Variants in CATSPERE observed in about 807,000 individuals in gnomAD.
CATSPERE encodes the protein cation channel sperm-associated auxiliary subunit epsilon.
A neutral mutation model predicts 114.1 loss-of-function variants in CATSPERE; 93 were observed. The observed-to-expected ratio is 0.81, with a 90% CI of 0.69 to 0.97. CATSPERE has a LOEUF of 0.97. CATSPERE is among the 50% of genes least tolerant of loss of function. The pLI, the probability that CATSPERE is intolerant of heterozygous loss-of-function variation, is 0.00. For synonymous variants in CATSPERE, 341 were observed against 384.1 expected, an observed-to-expected ratio of 0.89 and a Z score of 1.31; for missense variants, 1,058 against 1,131.6, an observed-to-expected ratio of 0.93 and a Z score of 0.93.
At chr1:244,567,341 G>A (rs1406834878) in intron 10 of CATSPERE, among the ~76,000 whole-genome samples, 7 of 152,062 alleles carry the variant, frequency 4.6e-5, no homozygotes, top group East Asian at 1.9e-4. Context: ...TGCTCTTCGC[G>A]AGGAGTATCT....
chr1:244,473,273 G>A (rs1050607337), intron 2 of CATSPERE, among the ~76,000 whole-genome samples: 10 of 152,122 alleles, frequency 6.6e-5, no homozygotes, highest in Admixed American at 2.6e-4. Context: ...AGCATTTGGC[G>A]TTGTTAGTGT....
intron 5 of CATSPERE, among the ~76,000 whole-genome samples, chr1:244,490,146 C>A (rs578097593): frequency 1.1e-4 from 16 of 152,038 alleles, no homozygotes; most frequent in South Asian, 2.1e-4. Context: ...ATATTCATTT[C>A]GTAACTTCAA....
intron 2 of CATSPERE, among the ~76,000 whole-genome samples, chr1:244,476,506 A>G (rs943811568): frequency 6.6e-6 from 1 of 152,102 alleles, no homozygotes; most frequent in African/African-American, 2.4e-5. Flanking sequence ...GTTATGTTGT[A>G]TCTTCTCATG....
intron 8 of CATSPERE, among the ~76,000 whole-genome samples, chr1:244,535,834 G>C (rs1172314959): frequency 1.3e-5 from 2 of 152,122 alleles, no homozygotes; most frequent in Non-Finnish European, 2.9e-5. Flanking sequence ...TTCTCAAGCA[G>C]AAGGAGTCTC....
intron 17 of CATSPERE, among the ~76,000 whole-genome samples, chr1:244,599,738 C>G (rs1250446999): frequency 6.6e-6 from 1 of 152,210 alleles, no homozygotes; most frequent in Non-Finnish European, 1.5e-5. Flanking sequence ...ACTGCACTCA[C>G]TCAGATGCAG....
chr1:244,625,432 A>ATATATATATATTTTTTTTTTTTTTTT, intron 20 of CATSPERE, among the ~76,000 whole-genome samples: 1 of 3,986 alleles, frequency 2.5e-4, no homozygotes, highest in African/African-American at 7.0e-4. Flanking sequence ...ATATATATAT[A>ATATATATATATTTTTTTTTTTTTTTT]TTTTTTTTTT....
At chr1:244,583,383 T>TA (rs1243465199) in intron 12 of CATSPERE, among the ~76,000 whole-genome samples, 3 of 152,164 alleles carry the variant, frequency 2.0e-5, no homozygotes, top group African/African-American at 7.2e-5. Context: ...AGTCAGATCA[T>TA]ATTAGACCAT....
rs1470657765 is a variant in CATSPERE, at chr1:244,572,418, A to G, written c.1596A>G (p.Leu532=). The G allele has an allele frequency of 2.5e-6, 4 of 1,599,212 alleles. No individual in the cohort carries two copies. Among genetic ancestry groups the G allele is most frequent in the African/African-American group, 2.7e-5 (2 of 74,632 alleles). ...CTAGAGATGCAGTAAAGCTGCATTTATGGACAAATTACACAACAAGAGCAT... is the reference window on the plus strand; with the variant it reads ...CTAGAGATGCAGTAAAGCTGCATTTGTGGACAAATTACACAACAAGAGCAT... The part of the protein sequence containing the change: ...INTRDAVKLH[L]WTNYTTRAFI... The change falls in exon 11 of 22, where the codon TTA becomes TTG. Residue 532 remains leucine, a synonymous_variant. Coordinates refer to ENST00000366534, the MANE Select transcript of CATSPERE (RefSeq NM_001130957.2).
chr1:244,568,259 T>C lies in CATSPERE; in HGVS notation c.1508-4071T>C, dbSNP rs3006000. Reference sequence around the variant, plus strand: ...CCCGCCAGATGCCAGCCAGAGCTCTTCTGTATGAGGTGTCTGTCAACCCCT... The same window carrying C: ...CCCGCCAGATGCCAGCCAGAGCTCTCCTGTATGAGGTGTCTGTCAACCCCT... On this transcript the variant is annotated intron_variant, in intron 10 of 21. Coordinates refer to ENST00000366534, the MANE Select transcript of CATSPERE (RefSeq NM_001130957.2). The surrounding 1 kb of genome is among the most constrained non-coding windows in gnomAD (Gnocchi z 4.4). Among the ~76,000 whole-genome samples the C allele has an allele frequency of 0.99, 151,446 of 152,268 alleles. 75,324 individuals are homozygous for C. Among genetic ancestry groups the C allele is most frequent in the Middle Eastern group, 1 (294 of 294 alleles).
intron 9 of CATSPERE, among the ~76,000 whole-genome samples, chr1:244,557,563 ATATATATATATATATATAT>A (rs1558491711): frequency 2.4e-4 from 20 of 85,092 alleles, no homozygotes; most frequent in Non-Finnish European, 4.2e-4. Flanking sequence ...ATATATATAT[ATATATATATATATATATAT>A]AAAATCTCCC....
At chr1:244,532,779 TG>T (rs753011604) in intron 8 of CATSPERE, among the ~76,000 whole-genome samples, 5 of 152,304 alleles carry the variant, frequency 3.3e-5, no homozygotes, top group Admixed American at 6.5e-5. Flanking sequence ...GTCTAATATA[TG>T]GTCTATCCTT....
intron 6 of CATSPERE, among the ~76,000 whole-genome samples, chr1:244,492,657 C>T (rs1449691209): frequency 6.6e-6 from 1 of 152,008 alleles, no homozygotes; most frequent in African/African-American, 2.4e-5. Context: ...GTCAAATTGT[C>T]CCTGTTTGCA....
intron 1 of CATSPERE, among the ~76,000 whole-genome samples, chr1:244,462,306 C>T (rs1666951556): frequency 6.6e-6 from 1 of 152,184 alleles, no homozygotes; most frequent in African/African-American, 2.4e-5. Context: ...AACAAGAATA[C>T]ATTAAATATA....
chr1:244,492,281 T>C lies in CATSPERE; in HGVS notation c.351+1810T>C, dbSNP rs1055391685. Among the ~76,000 whole-genome samples, 1,287 of 152,262 alleles carry C rather than the reference T, an allele frequency of 8.5e-3. 9 individuals carry two copies. The highest frequency in any genetic ancestry group is 0.028 in the African/African-American group (1,182 of 41,546). On this transcript the variant is annotated intron_variant, in intron 6 of 21. Coordinates refer to ENST00000366534, the MANE Select transcript of CATSPERE (RefSeq NM_001130957.2). ...GGGCTTCATCCCTGGGATGCAAGGC[T>C]GGTTCAACATATGCAAATCAATAAA...
intron 17 of CATSPERE, among the ~76,000 whole-genome samples, chr1:244,601,926 C>T (rs2148668405): frequency 6.6e-6 from 1 of 151,866 alleles, no homozygotes; most frequent in Non-Finnish European, 1.5e-5. Context: ...TGCACTCTAG[C>T]CTGGGCAACA....
chr1:244,606,733 C>G (rs888861118), intron 18 of CATSPERE, among the ~76,000 whole-genome samples: 1 of 151,622 alleles, frequency 6.6e-6, no homozygotes, highest in African/African-American at 2.4e-5. Context: ...TCCTGAGTAG[C>G]TGGGACTACA....
At chr1:244,510,835 C>CTTT (rs747921082) in intron 7 of CATSPERE, among the ~76,000 whole-genome samples, 79 of 48,320 alleles carry the variant, frequency 1.6e-3, no homozygotes, top group Non-Finnish European at 2.1e-3. Flanking sequence ...TTTTCTTTTT[C>CTTT]TTTTTTTTTT....
At chr1:244,451,649 C>A, upstream of CATSPERE, 1 of 1,610,336 alleles carries the variant, frequency 6.2e-7, no homozygotes, top group East Asian at 2.2e-5. The surrounding 1 kb of genome is among the most constrained non-coding windows in gnomAD (Gnocchi z 6.6). Flanking sequence ...CAGCGGCACA[C>A]GATGTCGGCG....
At chr1:244,569,288 T>C (rs1664098320) in intron 10 of CATSPERE, among the ~76,000 whole-genome samples, 1 of 152,226 alleles carries the variant, frequency 6.6e-6, no homozygotes, top group African/African-American at 2.4e-5. Context: ...CCAGTCCCAA[T>C]GAGCTAAACC....
Sources: gnomAD v4.1 joint callset for allele counts (sites outside exome capture counted in the v4.1 genomes callset) on GRCh38, gnomAD v4.1.1 for gene constraint, Gnocchi (gnomAD v3.1) non-coding constraint, MANE v1.5 for transcripts, NCBI Gene and HGNC (gene_info 2026-07-23, HGNC 2026-07-21) for gene names.